Variants in FAM107A observed in about 807,000 individuals in gnomAD.
The protein encoded by FAM107A is family with sequence similarity 107 member A, also known as actin-associated protein FAM107A.
In FAM107A, 19 loss-of-function variants were observed where a neutral mutation model predicts 13.7. The observed-to-expected ratio is 1.38, with a 90% CI of 0.97 to 2.03. The LOEUF (loss-of-function observed/expected upper bound fraction) is 2.03. Among genes scored for constraint, FAM107A ranks in the 30% most tolerant of loss-of-function variants. The pLI is 0.00. For synonymous variants in FAM107A, 82 were observed against 74.5 expected (o/e 1.10, Z -0.52); for missense variants, 203 against 184.4 (o/e 1.10, Z -0.58).
At position 58,565,940 on chromosome 3, in the gene FAM107A, A is replaced by G. The variant is rs2063615896; in HGVS notation, c.*648T>C. 6.6e-6 allele frequency: 1 copy of G among 152,266 alleles called. No homozygotes were observed. The allele number at this position is 152,266 out of a possible 1,614,324, so 9.4% of individuals were successfully genotyped here. A position where few individuals can be genotyped will look rare whatever the true frequency, so the allele number is the denominator to read the frequency against. ...GTGCAGGAATGCGGCAGCCCTGGGT[A>G]GGTGTGGTTAGAAGGCCTGGACGGG... On this transcript the variant is annotated 3_prime_UTR_variant, in exon 4 of 4. Coordinates refer to ENST00000360997, the MANE Select transcript of FAM107A (RefSeq NM_001076778.3).
chr3:58,602,524 T>G (rs1376561552), intron 1 of FAM107A, among the ~76,000 whole-genome samples: 1 of 152,212 alleles, frequency 6.6e-6, no homozygotes, highest in African/African-American at 2.4e-5. Flanking sequence ...CAAGCATTGT[T>G]CAAGATAATA....
At chr3:58,609,948 T>C (rs560901413) in intron 1 of FAM107A, among the ~76,000 whole-genome samples, 8 of 152,366 alleles carry the variant, frequency 5.3e-5, no homozygotes, top group Non-Finnish European at 7.3e-5. Context: ...GTGCTTAGAA[T>C]GGCACTTGGC....
rs981430199 is a variant in FAM107A, at chr3:58,626,719, T to C, written c.-70+697A>G. Among the ~76,000 whole-genome samples, 3 of 152,170 alleles carry C rather than the reference T, an allele frequency of 2.0e-5. No homozygotes were observed. In the South Asian group the frequency reaches 6.2e-4, roughly 32 times the overall value. On this transcript the variant is annotated intron_variant, in intron 1 of 3. Coordinates refer to the FAM107A transcript ENST00000465970. ...TTATTCAGGGAAGTAGAGATGTGTG[T>C]GGTTAAGACCAGGGAGCCAGAGAGA...
intron 1 of FAM107A, among the ~76,000 whole-genome samples, chr3:58,599,741 G>A (rs1326379168): frequency 1.8e-5 from 1 of 56,782 alleles, no homozygotes; most frequent in Admixed American, 2.1e-4. Context: ...TTTTTGAGAC[G>A]GGATCCCGCT....
intron 1 of FAM107A, among the ~76,000 whole-genome samples, chr3:58,592,999 A>G (rs2065666507): frequency 6.6e-6 from 1 of 152,118 alleles, no homozygotes; most frequent in African/African-American, 2.4e-5. Context: ...TAGCTGGACA[A>G]TCAGTTCTTA....
At chr3:58,607,592 G>C (rs1412034108) in intron 1 of FAM107A, 1 of 152,088 alleles carries the variant, frequency 6.6e-6, no homozygotes, top group African/African-American at 2.4e-5. Flanking sequence ...GTATACGTGT[G>C]CATGTATGTG....
intron 1 of FAM107A, among the ~76,000 whole-genome samples, chr3:58,621,561 T>G (rs1255085813): frequency 6.6e-6 from 1 of 152,220 alleles, no homozygotes; most frequent in African/African-American, 2.4e-5. Context: ...ATGGGGACAC[T>G]GAGACCCAAG....
chr3:58,622,263 A>G (rs1218011485), intron 1 of FAM107A, among the ~76,000 whole-genome samples: 3 of 151,986 alleles, frequency 2.0e-5, no homozygotes, highest in Admixed American at 6.6e-5. Context: ...ACATGACAAA[A>G]CCCCATCTCT....
At chr3:58,589,196 T>C, upstream of FAM107A, 1 of 1,522,928 alleles carries the variant, frequency 6.6e-7, no homozygotes, top group South Asian at 1.2e-5. Context: ...TTCTAGCGGG[T>C]CTGACTTACC....
chr3:58,615,634 G>C (rs933386405), intron 1 of FAM107A, among the ~76,000 whole-genome samples: 3 of 152,124 alleles, frequency 2.0e-5, no homozygotes, highest in Non-Finnish European at 2.9e-5. Flanking sequence ...AGTGCCTTAT[G>C]CCTGTAATCC....
chr3:58,612,115 C>T (rs1361020645), intron 1 of FAM107A, among the ~76,000 whole-genome samples: 2 of 152,016 alleles, frequency 1.3e-5, no homozygotes, highest in African/African-American at 4.8e-5. Context: ...TTCATAGAAA[C>T]CCACCCATGA....
At chr3:58,581,954 T>C (rs1369920459), upstream of FAM107A, among the ~76,000 whole-genome samples, 1 of 152,128 alleles carries the variant, frequency 6.6e-6, no homozygotes, top group Admixed American at 6.5e-5. Context: ...AGAAGCACAG[T>C]GAGTGAATCT....
chr3:58,599,696 A>ATTTTT (rs57244654), intron 1 of FAM107A, among the ~76,000 whole-genome samples: 1,781 of 78,304 alleles, frequency 0.023, 482 homozygotes, highest in Non-Finnish European at 0.033. Context: ...CAAGTGCACC[A>ATTTTT]TTTTTTTTTT....
intron 2 of FAM107A, among the ~76,000 whole-genome samples, chr3:58,568,542 TTG>T (rs2063647831): frequency 6.6e-6 from 1 of 152,246 alleles, no homozygotes; most frequent in South Asian, 2.1e-4. Flanking sequence ...TTTCTCTGAT[TTG>T]TCTTTAAGCT....
chr3:58,608,254 A>G (rs1031516307), intron 1 of FAM107A, among the ~76,000 whole-genome samples: 9 of 152,210 alleles, frequency 5.9e-5, no homozygotes, highest in South Asian at 2.1e-4. Context: ...AGTAGTTAAG[A>G]GTTACCCTGA....
intron 1 of FAM107A, among the ~76,000 whole-genome samples, chr3:58,584,916 C>T (rs1375263031): frequency 6.6e-6 from 1 of 152,188 alleles, no homozygotes; most frequent in Non-Finnish European, 1.5e-5. Flanking sequence ...CTTTCATTTT[C>T]AATACATCTT....
chr3:58,568,439 A>C (rs72876120), intron 2 of FAM107A, among the ~76,000 whole-genome samples: 29,647 of 151,072 alleles, frequency 0.2, 4,175 homozygotes, highest in African/African-American at 0.4. Context: ...CATCTCAAAC[A>C]AAAAAAAAGA....
upstream of FAM107A, chr3:58,577,564 C>G: frequency 1.0e-6 from 1 of 985,456 alleles, no homozygotes; most frequent in Non-Finnish European, 1.2e-6. This position sits in a 1 kb window ranked among gnomAD's most constrained non-coding sequence, Gnocchi z 4.9. Flanking sequence ...CGATGCGGAA[C>G]ATCATGTCCA....
chr3:58,575,822 G>C (rs1057248599), intron 1 of FAM107A, among the ~76,000 whole-genome samples: 1 of 152,202 alleles, frequency 6.6e-6, no homozygotes, highest in African/African-American at 2.4e-5. Context: ...TAGAGTCCAC[G>C]GGCCTGTCTG....
Sources: allele counts gnomAD v4.1 joint callset (sites outside exome capture counted in the v4.1 genomes callset), GRCh38; gene constraint gnomAD v4.1.1; non-coding constraint Gnocchi (gnomAD v3.1); transcripts MANE v1.5; gene names NCBI Gene and HGNC (gene_info 2026-07-23, HGNC 2026-07-21).